The following APC variants were observed in gnomAD, a reference collection of about 807,000 sequenced individuals.
The protein encoded by APC is adenomatous polyposis coli protein.
Under a neutral mutation model 247.0 loss-of-function variants are expected in APC, and 72 were observed. That is an observed-to-expected ratio of 0.29 (90% CI 0.24 to 0.35). The LOEUF is 0.35. Among genes scored for constraint, APC ranks in the 10% least tolerant of loss-of-function variants. The probability of loss-of-function intolerance (pLI) is 1.00; values close to 1 mark genes in which losing one functional copy is unlikely to be tolerated. For synonymous variants in APC, 1,254 were observed against 1,162.5 expected, an observed-to-expected ratio of 1.08 and a Z score of -1.60; for missense variants, 3,400 against 3,360.7, an observed-to-expected ratio of 1.01 and a Z score of -0.29.
At chr5:112,797,051 G>C (rs13187968) in intron 7 of APC, among the ~76,000 whole-genome samples, 1 of 151,932 alleles carries the variant, frequency 6.6e-6, no homozygotes, top group Non-Finnish European at 1.5e-5. Flanking sequence ...ACAAGTTTCA[G>C]GTTGGAAACT....
intron 6 of APC, among the ~76,000 whole-genome samples, chr5:112,785,841 A>G (rs1758882174): frequency 6.6e-6 from 1 of 152,190 alleles, no homozygotes; most frequent in Non-Finnish European, 1.5e-5. Context: ...TTGATTAGCT[A>G]TTCAAATGTG....
rs754916822 is a variant in APC, at chr5:112,838,998, A to G, written c.3404A>G (p.Tyr1135Cys). The change falls in exon 16 of 16, where the codon TAT becomes TGT. Residue 1135 changes from tyrosine to cysteine, a missense_variant. Around this residue, in one of 9 missense-constraint regions of APC, gnomAD observed 715 missense variants for 656.6 expected, o/e 1.09. Coordinates refer to ENST00000257430, the MANE Select transcript of APC (RefSeq NM_000038.6). ...CAGTCTTTGTGTCAAGAAGATGACT[A>G]TGAAGATGATAAGCCTACCAATTAT... ...VSQSLCQEDD[Y>C]EDDKPTNYSE... 10 of 1,614,026 alleles carry G rather than the reference A, an allele frequency of 6.2e-6. No individual in the cohort carries two copies. The highest frequency in any genetic ancestry group is 4.5e-5 in the East Asian group (2 of 44,886).
Position 112,842,988 on chromosome 5 carries a change from T to TGC in APC, c.7394_7395insGC (p.Ser2466LeufsTer20). On this transcript the variant is annotated frameshift_variant, in exon 16 of 16. Transcript: ENST00000257430. LOFTEE classifies it high-confidence loss of function. ...GAGGAATCTGCTTCATTTGAATCTC[T>TGC]TTCTCCATCATCTAGACCAGCTTCT... 1 of 1,614,112 alleles carries TGC rather than the reference T, an allele frequency of 6.2e-7. No individual in the cohort carries two copies. Among genetic ancestry groups the TGC allele is most frequent in the Non-Finnish European group, 8.5e-7 (1 of 1,179,968 alleles).
intron 9 of APC, among the ~76,000 whole-genome samples, chr5:112,816,857 A>T (rs556857251): frequency 6.6e-6 from 1 of 151,584 alleles, no homozygotes; most frequent in East Asian, 1.9e-4. Flanking sequence ...ATTTGATTTT[A>T]TTTTTATTTT....
In APC at chr5:112,838,962, A is replaced by G. The variant is rs587779789; in HGVS notation, c.3368A>G (p.Gln1123Arg). The G allele has an allele frequency of 1.9e-6, 3 of 1,614,174 alleles. No homozygotes were observed. Among genetic ancestry groups the G allele is most frequent in the Non-Finnish European group, 1.7e-6 (2 of 1,180,036 alleles). The change falls in exon 16 of 16, where the codon CAA becomes CGA. Residue 1123 changes from glutamine (Q) to arginine (R), a missense_variant. This residue lies in a region of APC where 715 missense variants were observed against 656.6 expected (regional missense o/e 1.09). Transcript: ENST00000257430. ...NRVGSNHGIN[Q>R]NVSQSLCQED... ...GTGGGTTCTAATCATGGAATTAATCAAAATGTAAGCCAGTCTTTGTGTCAA... is the reference window on the plus strand; with the variant it reads ...GTGGGTTCTAATCATGGAATTAATCGAAATGTAAGCCAGTCTTTGTGTCAA...
Position 112,844,892 on chromosome 5 carries a change from G to A in APC, c.*766G>A. The A allele has an allele frequency of 4.3e-6, 1 of 232,608 alleles. No homozygotes were observed. The highest frequency in any genetic ancestry group is 8.5e-6 in the Non-Finnish European group (1 of 117,406). 14.4% of individuals were successfully genotyped at this position (232,608 alleles called of 1,614,324 possible). On this transcript the variant is annotated 3_prime_UTR_variant, in exon 16 of 16. Transcript: ENST00000257430. ...TTGTATATTCTGGTATTTGAGGTGA[G>A]ATGGCTGCTCTTTTATTAATGAGAC...
intron 8 of APC, among the ~76,000 whole-genome samples, chr5:112,802,867 A>C (rs1760981102): frequency 6.6e-6 from 1 of 152,080 alleles, no homozygotes. Context: ...TTCAAGATGC[A>C]AAAAACAGTA....
At chr5:112,786,389 T>G (rs1254101193) in intron 6 of APC, among the ~76,000 whole-genome samples, 1 of 152,196 alleles carries the variant, frequency 6.6e-6, no homozygotes, top group African/African-American at 2.4e-5. Flanking sequence ...TATGTGAGAT[T>G]GTTAGTCTCC....
At position 112,746,439 on chromosome 5, in the gene APC, A is replaced by G. The variant is rs1371913018; in HGVS notation, c.-18-8434A>G. 3.3e-5 allele frequency among the ~76,000 whole-genome samples: 5 copies of G among 152,132 alleles called. No homozygotes were observed. The East Asian group carries it at 7.7e-4, about 23-fold the overall frequency. On this transcript the variant is annotated intron_variant, in intron 1 of 15. Coordinates refer to ENST00000257430, the MANE Select transcript of APC (RefSeq NM_000038.6). ...TTTCAAAATACTATAAAAATTTAAA[A>G]CTATACATTTTCTCTTTAAAAATTC...
intron 14 of APC, among the ~76,000 whole-genome samples, chr5:112,830,720 C>T (rs1561560790): frequency 6.6e-6 from 1 of 152,128 alleles, no homozygotes; most frequent in Non-Finnish European, 1.5e-5. Flanking sequence ...AAAAGAATGA[C>T]TATTGATACA....
At chr5:112,775,291 TTA>T (rs1757496815) in intron 4 of APC, among the ~76,000 whole-genome samples, 1 of 152,166 alleles carries the variant, frequency 6.6e-6, no homozygotes, top group Non-Finnish European at 1.5e-5. Flanking sequence ...CTTTTTATTC[TTA>T]TATTAATTTT....
At chr5:112,789,635 G>T (rs1424128480) in intron 6 of APC, among the ~76,000 whole-genome samples, 1 of 152,098 alleles carries the variant, frequency 6.6e-6, no homozygotes, top group East Asian at 1.9e-4. Flanking sequence ...TAATTATATA[G>T]AAACTGATTA....
In APC at chr5:112,841,916, G is replaced by A. The variant is rs876660406; in HGVS notation, c.6322G>A (p.Ala2108Thr). ...NFDWKAIQEG[A>T]NSIVSSLHQA... ...TGATTGGAAAGCTATTCAGGAAGGT[G>A]CAAATTCCATAGTAAGTAGTTTACA... Residue 2108 changes from alanine (A) to threonine (T), a missense_variant, in exon 16 of 16, where the codon GCA (alanine) becomes ACA (threonine). By Grantham distance (58) the Ala-to-Thr change is moderately conservative (BLOSUM62 0). Around this residue, in one of 9 missense-constraint regions of APC, gnomAD observed 1,788 missense variants for 1,649.5 expected, o/e 1.08. Transcript: ENST00000257430. This position sits in a 1 kb window ranked among gnomAD's most constrained non-coding sequence, Gnocchi z 4.6. The A allele has an allele frequency of 1.2e-6, 2 of 1,613,892 alleles. No individual in the cohort carries two copies. Among genetic ancestry groups the A allele is most frequent in the Non-Finnish European group, 1.7e-6 (2 of 1,179,936 alleles).
chr5:112,808,273 T>A (rs1353631121), intron 8 of APC, among the ~76,000 whole-genome samples: 1 of 152,240 alleles, frequency 6.6e-6, no homozygotes, highest in Non-Finnish European at 1.5e-5. Context: ...CTTGCAGTTG[T>A]TTCATAAATG....
chr5:112,735,211 T>C (rs148569131), upstream of APC, among the ~76,000 whole-genome samples: 1 of 152,108 alleles, frequency 6.6e-6, no homozygotes, highest in African/African-American at 2.4e-5. Context: ...ACATGGTCTC[T>C]GTTGCACAGG....
At chr5:112,805,976 C>T (rs549977287) in intron 8 of APC, among the ~76,000 whole-genome samples, 20 of 152,324 alleles carry the variant, frequency 1.3e-4, no homozygotes, top group African/African-American at 4.8e-4. Flanking sequence ...CCTATCTTGT[C>T]AGCTTTATGT....
chr5:112,784,309 C>G (rs535530861), intron 6 of APC, among the ~76,000 whole-genome samples: 13 of 152,344 alleles, frequency 8.5e-5, no homozygotes, highest in African/African-American at 3.1e-4. Context: ...CTCAAGTGAT[C>G]TGCCTGCCTT....
chr5:112,762,665 G>A (rs1169566839), intron 2 of APC, among the ~76,000 whole-genome samples: 1 of 152,316 alleles, frequency 6.6e-6, no homozygotes, highest in East Asian at 1.9e-4. Context: ...AAAGAAGCCA[G>A]AATAGTGGTT....
intron 1 of APC, among the ~76,000 whole-genome samples, chr5:112,712,603 A>AG (rs1750921888): frequency 6.8e-6 from 1 of 147,256 alleles, no homozygotes. Context: ...TGTATTCCCC[A>AG]GGCTGGTGTC....
Sources: gnomAD v4.1 joint callset for allele counts (sites outside exome capture counted in the v4.1 genomes callset) on GRCh38, gnomAD v4.1.1 for gene constraint, gnomAD v4.1.1 regional missense constraint, Gnocchi (gnomAD v3.1) non-coding constraint, MANE v1.5 for transcripts, NCBI Gene and HGNC (gene_info 2026-07-23, HGNC 2026-07-21) for gene names.